ERBB4: variants seen among roughly 807,000 people sequenced by gnomAD.
The protein encoded by ERBB4 is erb-b2 receptor tyrosine kinase 4, also known as receptor tyrosine-protein kinase erbB-4.
A neutral mutation model predicts 158.0 loss-of-function variants in ERBB4; 42 were observed. That is an observed-to-expected ratio of 0.27 (90% confidence interval 0.21 to 0.34). ERBB4 has a LOEUF of 0.34. ERBB4 is among the 10% of genes least tolerant of loss of function. The pLI is 1.00. For missense variants in ERBB4, 1,333 were observed against 1,624.1 expected (o/e 0.82, Z 3.08); for synonymous variants, 583 against 558.7 (o/e 1.04, Z -0.61).
intron 16 of ERBB4, among the ~76,000 whole-genome samples, chr2:211,654,741 C>T (rs2071145817): frequency 6.6e-6 from 1 of 152,140 alleles, no homozygotes; most frequent in South Asian, 2.1e-4. Context: ...AGATAAAAAA[C>T]ATCATGGAGC....
At chr2:211,985,325 G>C (rs937389671) in intron 2 of ERBB4, among the ~76,000 whole-genome samples, 1 of 151,966 alleles carries the variant, frequency 6.6e-6, no homozygotes. Context: ...TAATCTATTG[G>C]AAAAAAAGTC....
chr2:211,535,820 G>T (rs1264407804), intron 20 of ERBB4: 1 of 151,980 alleles, frequency 6.6e-6, no homozygotes, highest in African/African-American at 2.4e-5. Context: ...AGTACTAGCC[G>T]ATTAAAAACT....
At chr2:212,487,595 G>A in intron 1 of ERBB4, among the ~76,000 whole-genome samples, 1 of 151,090 alleles carries the variant, frequency 6.6e-6, no homozygotes, top group African/African-American at 2.4e-5. Context: ...TATGTGTTGA[G>A]AACCTATATG....
chr2:212,285,687 A>G (rs2062932), intron 1 of ERBB4, among the ~76,000 whole-genome samples: 148,724 of 152,250 alleles, frequency 0.98, 72,763 homozygotes, highest in African/African-American at 0.99. Flanking sequence ...AAAAATGAGG[A>G]CTTACAATAT....
At chr2:211,610,373 T>C (rs1009393901) in intron 19 of ERBB4, among the ~76,000 whole-genome samples, 6 of 152,164 alleles carry the variant, frequency 3.9e-5, no homozygotes, top group Admixed American at 6.5e-5. Flanking sequence ...GCAGGAACAG[T>C]ATTTTGTATC....
At chr2:211,930,063 T>TA (rs1470379250) in intron 3 of ERBB4, among the ~76,000 whole-genome samples, 1 of 152,192 alleles carries the variant, frequency 6.6e-6, no homozygotes, top group African/African-American at 2.4e-5. Flanking sequence ...TTATTACAAT[T>TA]ATTTTACAGA....
rs2075043720 is a variant in ERBB4 at position 211,748,723 on chromosome 2, GGTGA to G, written c.622+1912_622+1915del. 5.3e-5 allele frequency among the ~76,000 whole-genome samples: 8 copies of G among 152,316 alleles called. No homozygotes were observed. The South Asian group carries it at 1.7e-3, about 32-fold the overall frequency. On this transcript the variant is annotated intron_variant, in intron 5 of 27. Transcript: ENST00000342788. ...AATAAGTGAATAAATAAAATAAGTA[GGTGA>G]GTGAGTAAAAACTCATTTTTAATTT...
At chr2:211,912,401 C>G (rs1394957267) in intron 3 of ERBB4, among the ~76,000 whole-genome samples, 1 of 151,632 alleles carries the variant, frequency 6.6e-6, no homozygotes, top group Non-Finnish European at 1.5e-5. Flanking sequence ...AAAATTTAAG[C>G]ATTTAACGTG....
chr2:211,630,870 T>C (rs2070094235), intron 16 of ERBB4, among the ~76,000 whole-genome samples: 2 of 152,186 alleles, frequency 1.3e-5, no homozygotes, highest in Admixed American at 1.3e-4. Flanking sequence ...ATGAAAAAAA[T>C]GTAAAACTTG....
intron 2 of ERBB4, among the ~76,000 whole-genome samples, chr2:212,060,557 A>T (rs2077728001): frequency 7.1e-6 from 1 of 141,190 alleles, no homozygotes; most frequent in Admixed American, 7.5e-5. Context: ...CTTGGAACCC[A>T]CCCCAACGTC....
At chr2:212,004,088 G>A (rs567086479) in intron 2 of ERBB4, among the ~76,000 whole-genome samples, 2 of 152,056 alleles carry the variant, frequency 1.3e-5, no homozygotes, top group African/African-American at 4.8e-5. Context: ...AGATATGCAT[G>A]GACTGCAGGA....
chr2:211,668,039 C>T (rs78652951), intron 14 of ERBB4, among the ~76,000 whole-genome samples: 32 of 152,194 alleles, frequency 2.1e-4, no homozygotes, highest in African/African-American at 7.5e-4. Flanking sequence ...TATACCTAGG[C>T]CATATGGTAT....
At chr2:211,601,209 A>C (rs1261426510) in intron 19 of ERBB4, among the ~76,000 whole-genome samples, 10 of 152,120 alleles carry the variant, frequency 6.6e-5, no homozygotes, top group Admixed American at 6.5e-4. Flanking sequence ...TATCATATAC[A>C]ATAACTGCGA....
chr2:212,441,186 T>C (rs1202558537), intron 1 of ERBB4, among the ~76,000 whole-genome samples: 1 of 149,562 alleles, frequency 6.7e-6, no homozygotes, highest in Non-Finnish European at 1.5e-5. Context: ...GTTTGTAAAC[T>C]CTGATGAACC....
chr2:211,505,570 GCAAA>G (rs71047179), intron 20 of ERBB4, among the ~76,000 whole-genome samples: 22,323 of 151,118 alleles, frequency 0.15, 2,667 homozygotes, highest in African/African-American at 0.34. Flanking sequence ...AAGGCAACTA[GCAAA>G]CAAACAAACA....
At chr2:211,570,233 G>A (rs1441499437) in intron 19 of ERBB4, among the ~76,000 whole-genome samples, 2 of 151,160 alleles carry the variant, frequency 1.3e-5, no homozygotes, top group Non-Finnish European at 2.9e-5. Context: ...CTCACTTCAA[G>A]TTCTGCCTCT....
At position 211,713,566 on chromosome 2, in the gene ERBB4, C is replaced by T. The variant is rs766020827; in HGVS notation, c.966G>A (p.Met322Ile). 8 of 1,610,648 alleles carry T rather than the reference C, an allele frequency of 5.0e-6. No homozygotes were observed. In the Admixed American group the frequency reaches 5.0e-5, roughly 10 times the overall value. ...GGCAAATGTCAGTGCAAGGTTTACA[C>T]ATTTTAATCCCATTTTCTTCTACTT... The part of the protein sequence containing the change: ...KMEVEENGIK[M>I]CKPCTDICPK... Residue 322 changes from methionine to isoleucine, a missense_variant, in exon 8 of 28, where the codon ATG becomes ATA. Physicochemically the swap from Met to Ile is conservative, Grantham distance 10. Around this residue, in one of 5 missense-constraint regions of ERBB4, gnomAD observed 438 missense variants for 586.9 expected, o/e 0.75. Coordinates refer to ENST00000342788, the MANE Select transcript of ERBB4 (RefSeq NM_005235.3).
At chr2:211,533,688 A>G (rs2066565695) in intron 20 of ERBB4, among the ~76,000 whole-genome samples, 2 of 152,052 alleles carry the variant, frequency 1.3e-5, no homozygotes, top group Admixed American at 1.3e-4. Flanking sequence ...AATAAGTGGT[A>G]AATCTAGATT....
At chr2:211,899,315 A>G (rs1340813887) in intron 3 of ERBB4, among the ~76,000 whole-genome samples, 3 of 152,038 alleles carry the variant, frequency 2.0e-5, no homozygotes, top group Non-Finnish European at 2.9e-5. Context: ...TCCTCTATCT[A>G]TTTTCTCTAC....
Sources: gnomAD v4.1 joint callset for allele counts (sites outside exome capture counted in the v4.1 genomes callset) on GRCh38, gnomAD v4.1.1 for gene constraint, gnomAD v4.1.1 regional missense constraint, MANE v1.5 for transcripts, NCBI Gene and HGNC (gene_info 2026-07-23, HGNC 2026-07-21) for gene names.